The following DLGAP2 variants were observed in gnomAD, a reference collection of about 807,000 sequenced individuals.
The protein encoded by DLGAP2 is DLG associated protein 2.
A neutral mutation model predicts 100.3 loss-of-function variants in DLGAP2; 26 were observed. The observed-to-expected ratio is 0.26, with a 90% CI of 0.19 to 0.36. The LOEUF (loss-of-function observed/expected upper bound fraction) is 0.36. Among genes scored for constraint, DLGAP2 ranks in the 10% least tolerant of loss-of-function variants. The probability of loss-of-function intolerance (pLI) is 1.00; values close to 1 mark genes in which losing one functional copy is unlikely to be tolerated. For missense variants in DLGAP2, 1,858 were observed against 1,453.2 expected (o/e 1.28, Z -4.53); for synonymous variants, 886 against 630.1 (o/e 1.41, Z -6.08).
At chr8:1,235,554 CAT>C in intron 2 of DLGAP2, among the ~76,000 whole-genome samples, 1 of 27,304 alleles carries the variant, frequency 3.7e-5, no homozygotes, top group African/African-American at 1.2e-4. Flanking sequence ...CACATGGCGC[CAT>C]GTCTAGTTCT....
intron 2 of DLGAP2, among the ~76,000 whole-genome samples, chr8:1,017,793 C>CTG: frequency 1.3e-5 from 2 of 151,978 alleles, no homozygotes; most frequent in African/African-American, 4.8e-5. Context: ...CAAGTGGCCA[C>CTG]CTCACTCCTC....
At chr8:1,696,664 CT>C (rs1317397407) in intron 13 of DLGAP2, among the ~76,000 whole-genome samples, 2 of 152,304 alleles carry the variant, frequency 1.3e-5, no homozygotes, top group African/African-American at 4.8e-5. Context: ...CATCCTGTTC[CT>C]TGGCGCATTA....
chr8:1,416,496 C>A (rs750195906), intron 3 of DLGAP2, among the ~76,000 whole-genome samples: 1 of 152,224 alleles, frequency 6.6e-6, no homozygotes, highest in Non-Finnish European at 1.5e-5. Context: ...CTCCTGTTTC[C>A]TAAGTGAGGA....
chr8:1,291,039 G>C (rs1446371653), intron 3 of DLGAP2, among the ~76,000 whole-genome samples: 1 of 152,092 alleles, frequency 6.6e-6, no homozygotes, highest in Admixed American at 6.5e-5. Context: ...GAAACAAAAG[G>C]TCTATAGGCA....
chr8:1,551,196 T>C (rs929100909), intron 5 of DLGAP2, among the ~76,000 whole-genome samples: 1 of 152,274 alleles, frequency 6.6e-6, no homozygotes, highest in Non-Finnish European at 1.5e-5. Context: ...GGAAGAGGCA[T>C]AAATTTTGTT....
At chr8:1,512,231 T>G (rs1452499524) in intron 4 of DLGAP2, among the ~76,000 whole-genome samples, 1 of 152,220 alleles carries the variant, frequency 6.6e-6, no homozygotes, top group Non-Finnish European at 1.5e-5. Context: ...TAGAAGAATG[T>G]GTGCTCCTCC....
intron 2 of DLGAP2, among the ~76,000 whole-genome samples, chr8:1,143,705 A>G (rs1274660172): frequency 6.6e-6 from 1 of 152,102 alleles, no homozygotes; most frequent in Non-Finnish European, 1.5e-5. Flanking sequence ...CACGCTGGCC[A>G]CCCTAAGTCA....
At chr8:1,486,236 C>G (rs1354165335) in intron 3 of DLGAP2, among the ~76,000 whole-genome samples, 2 of 152,148 alleles carry the variant, frequency 1.3e-5, no homozygotes, top group Non-Finnish European at 2.9e-5. Context: ...AGAGCCAGAG[C>G]CTGGACTTGA....
intron 3 of DLGAP2, among the ~76,000 whole-genome samples, chr8:1,321,894 C>T (rs555968573): frequency 6.6e-5 from 10 of 152,334 alleles, no homozygotes; most frequent in African/African-American, 1.7e-4. Flanking sequence ...CAGACCCATT[C>T]TGCAGCTTAC....
At chr8:883,730 AG>A (rs1563078483) in intron 1 of DLGAP2, among the ~76,000 whole-genome samples, 54 of 151,460 alleles carry the variant, frequency 3.6e-4, no homozygotes, top group African/African-American at 1.3e-3. Flanking sequence ...GTTACGTAGG[AG>A]CGCGGGTGCT....
chr8:1,373,007 C>G (rs988832734), intron 3 of DLGAP2, among the ~76,000 whole-genome samples: 5 of 152,194 alleles, frequency 3.3e-5, no homozygotes, highest in African/African-American at 9.6e-5. Context: ...GACAGTTTCG[C>G]TCATAGTTGA....
intron 3 of DLGAP2, among the ~76,000 whole-genome samples, chr8:1,486,831 T>C (rs73672729): frequency 0.016 from 2,362 of 152,338 alleles, 52 homozygotes; most frequent in African/African-American, 0.053. Context: ...CATGCATTTA[T>C]GCAGCTGCTA....
At chr8:1,267,118 G>A (rs1205101913) in intron 3 of DLGAP2, among the ~76,000 whole-genome samples, 1 of 151,878 alleles carries the variant, frequency 6.6e-6, no homozygotes, top group South Asian at 2.1e-4. Context: ...TGTAGTCCCA[G>A]CTACCCCTGA....
At chr8:1,520,454 C>A (rs1287889926) in intron 4 of DLGAP2, among the ~76,000 whole-genome samples, 1 of 152,200 alleles carries the variant, frequency 6.6e-6, no homozygotes, top group East Asian at 1.9e-4. Flanking sequence ...ATCCTTCATC[C>A]TTCACGTCAG....
chr8:1,193,578 C>T lies in DLGAP2; in HGVS notation c.74-65273C>T, dbSNP rs191889461. Among the ~76,000 whole-genome samples, 88 of 152,292 alleles carry T rather than the reference C, an allele frequency of 5.8e-4. No individual in the cohort carries two copies. In the East Asian group the frequency reaches 6.6e-3, roughly 11 times the overall value. ...TGCTTCTTGTTTAAAGCTGGATATACGCTGCTGTGTCCACACACCACCCCA... is the reference window on the plus strand; with the variant it reads ...TGCTTCTTGTTTAAAGCTGGATATATGCTGCTGTGTCCACACACCACCCCA... On this transcript the variant is annotated intron_variant, in intron 2 of 14. Transcript: ENST00000637795.
chr8:1,464,727 C>T (rs1204391782), intron 3 of DLGAP2, among the ~76,000 whole-genome samples: 1 of 152,182 alleles, frequency 6.6e-6, no homozygotes, highest in Non-Finnish European at 1.5e-5. Flanking sequence ...TGAAAGTGAC[C>T]TTGGGGGCCA....
chr8:1,312,162 C>G (rs1031995127), intron 3 of DLGAP2, among the ~76,000 whole-genome samples: 6 of 152,342 alleles, frequency 3.9e-5, no homozygotes, highest in South Asian at 2.1e-4. Flanking sequence ...GGCCAAAAAT[C>G]TAGACACAGA....
At chr8:969,379 C>A (rs1318391202) in intron 2 of DLGAP2, among the ~76,000 whole-genome samples, 3 of 152,052 alleles carry the variant, frequency 2.0e-5, no homozygotes, top group Non-Finnish European at 2.9e-5. Flanking sequence ...CTTGAAATCT[C>A]CTTCTCTCTA....
chr8:979,286 A>T (rs1185848806), intron 2 of DLGAP2, among the ~76,000 whole-genome samples: 2 of 152,246 alleles, frequency 1.3e-5, no homozygotes, highest in Non-Finnish European at 2.9e-5. Context: ...AAATATACTG[A>T]CATCCGAAGG....
Sources: gnomAD v4.1 joint callset for allele counts (sites outside exome capture counted in the v4.1 genomes callset) on GRCh38, gnomAD v4.1.1 for gene constraint, MANE v1.5 for transcripts, NCBI Gene and HGNC (gene_info 2026-07-23, HGNC 2026-07-21) for gene names.